The following TNNI3K variants were observed in gnomAD, a reference collection of about 807,000 sequenced individuals.
The protein encoded by TNNI3K is serine/threonine-protein kinase TNNI3K.
A neutral mutation model predicts 114.5 loss-of-function variants in TNNI3K; 140 were observed. The observed-to-expected ratio is 1.22, with a 90% CI of 1.07 to 1.41. The LOEUF (loss-of-function observed/expected upper bound fraction) is 1.41, where lower values mean the gene tolerates loss of function less well. Among genes scored for constraint, TNNI3K ranks in the 40% most tolerant of loss-of-function variants. The pLI, the probability that TNNI3K is intolerant of heterozygous loss-of-function variation, is 0.00. For missense variants in TNNI3K, 1,125 were observed against 1,007.6 expected (o/e 1.12, Z -1.58); for synonymous variants, 347 against 347.5 (o/e 1.00, Z 0.02).
At chr1:74,483,225 A>G (rs1350628640) in intron 21 of TNNI3K, 2 of 715,528 alleles carry the variant, frequency 2.8e-6, no homozygotes, top group Non-Finnish European at 5.2e-6. Flanking sequence ...TTCCAGGTAC[A>G]CTGAGCACTG....
chr1:74,349,993 T>C (rs944761666), intron 9 of TNNI3K, among the ~76,000 whole-genome samples: 2 of 152,204 alleles, frequency 1.3e-5, no homozygotes, highest in African/African-American at 4.8e-5. Flanking sequence ...CTGATCTTAG[T>C]TATTTCTTGC....
At chr1:74,519,266 T>G (rs1646397288) in intron 23 of TNNI3K, among the ~76,000 whole-genome samples, 2 of 87,426 alleles carry the variant, frequency 2.3e-5, no homozygotes, top group African/African-American at 5.6e-5. Flanking sequence ...CCACATTTTC[T>G]TAATCCAGTC....
At chr1:74,411,311 A>G (rs1482647539) in intron 17 of TNNI3K, among the ~76,000 whole-genome samples, 3 of 152,208 alleles carry the variant, frequency 2.0e-5, no homozygotes, top group Non-Finnish European at 4.4e-5. Context: ...GGATGCAGCT[A>G]AGTGCGGATA....
chr1:74,436,685 A>G (rs1666146427), intron 19 of TNNI3K, among the ~76,000 whole-genome samples, 159 bp downstream of exon 19: 1 of 152,084 alleles, frequency 6.6e-6, no homozygotes, highest in South Asian at 2.1e-4. Context: ...AGCTGTCAAA[A>G]TAACTATCTC....
chr1:74,521,494 C>T (rs79093740), intron 23 of TNNI3K, among the ~76,000 whole-genome samples: 5,916 of 152,002 alleles, frequency 0.039, 382 homozygotes, highest in African/African-American at 0.13. Flanking sequence ...CACATGTAAA[C>T]GCATTATGTA....
intron 21 of TNNI3K, among the ~76,000 whole-genome samples, chr1:74,479,486 C>A (rs1668371983): frequency 6.6e-6 from 1 of 152,102 alleles, no homozygotes; most frequent in African/African-American, 2.4e-5. Flanking sequence ...CAAAACCACC[C>A]AACAGGAGGA....
intron 5 of TNNI3K, among the ~76,000 whole-genome samples, chr1:74,330,605 C>T (rs905510065): frequency 6.6e-6 from 1 of 152,104 alleles, no homozygotes; most frequent in Non-Finnish European, 1.5e-5. Flanking sequence ...CATTTATGTG[C>T]AATACACATG....
intron 17 of TNNI3K, among the ~76,000 whole-genome samples, chr1:74,391,273 A>C (rs937478076): frequency 1.3e-5 from 2 of 152,186 alleles, no homozygotes; most frequent in Non-Finnish European, 1.5e-5. Flanking sequence ...TGAATGTATT[A>C]GGGAGAAAAG....
intron 23 of TNNI3K, among the ~76,000 whole-genome samples, chr1:74,534,014 C>A (rs927724685): frequency 6.6e-6 from 1 of 152,182 alleles, no homozygotes; most frequent in African/African-American, 2.4e-5. Flanking sequence ...CCTGACTTTG[C>A]ATCCCCAAAA....
chr1:74,416,370 G>A, intron 17 of TNNI3K: 3 of 983,750 alleles, frequency 3.0e-6, no homozygotes, highest in Non-Finnish European at 3.6e-6. Context: ...GAGCAGAGCT[G>A]AAGAAGGAGC....
chr1:74,255,682 T>C (rs1367817460), intron 4 of TNNI3K, among the ~76,000 whole-genome samples: 1 of 152,218 alleles, frequency 6.6e-6, no homozygotes, highest in Non-Finnish European at 1.5e-5. Flanking sequence ...AAGTCTACAA[T>C]TGTTAGCTTT....
intron 5 of TNNI3K, among the ~76,000 whole-genome samples, chr1:74,300,071 A>G (rs1191013101): frequency 6.6e-6 from 1 of 152,178 alleles, no homozygotes; most frequent in East Asian, 1.9e-4. Flanking sequence ...TTTTGGCTTT[A>G]GAATTATCTT....
chr1:74,396,156 A>G (rs779117676), intron 17 of TNNI3K, among the ~76,000 whole-genome samples: 40 of 152,200 alleles, frequency 2.6e-4, no homozygotes, highest in Non-Finnish European at 3.2e-4. Flanking sequence ...AACATCTCAC[A>G]AAGTAGAGGA....
At chr1:74,425,824 T>C (rs1381878508) in intron 17 of TNNI3K, among the ~76,000 whole-genome samples, 1 of 152,058 alleles carries the variant, frequency 6.6e-6, no homozygotes, top group African/African-American at 2.4e-5. Flanking sequence ...GAGGGTATTC[T>C]GGGGACAGTC....
chr1:74,484,945 G>A (rs766798517), intron 21 of TNNI3K, among the ~76,000 whole-genome samples: 3 of 152,146 alleles, frequency 2.0e-5, no homozygotes, highest in Non-Finnish European at 4.4e-5. Context: ...ATACAAGGAA[G>A]GGATGATGTG....
chr1:74,433,636 C>G (rs111318813), intron 17 of TNNI3K, among the ~76,000 whole-genome samples: 6 of 152,104 alleles, frequency 3.9e-5, no homozygotes, highest in African/African-American at 1.4e-4. Flanking sequence ...TATGAACTCT[C>G]ATTGTCCTGT....
At chr1:74,299,866 T>C (rs969417717) in intron 5 of TNNI3K, among the ~76,000 whole-genome samples, 1 of 152,152 alleles carries the variant, frequency 6.6e-6, no homozygotes, top group African/African-American at 2.4e-5. Context: ...AATAAGCCAA[T>C]ATTTGCTACA....
At chr1:74,378,222 A>T (rs938724099) in intron 17 of TNNI3K, among the ~76,000 whole-genome samples, 2 of 152,076 alleles carry the variant, frequency 1.3e-5, no homozygotes, top group Non-Finnish European at 2.9e-5. Context: ...TTAAAAAAGC[A>T]ATCAACTGCA....
At chr1:74,474,897 A>T (rs1668113897) in intron 21 of TNNI3K, among the ~76,000 whole-genome samples, 1 of 152,080 alleles carries the variant, frequency 6.6e-6, no homozygotes, top group Admixed American at 6.6e-5. Context: ...TGCTCTGGGA[A>T]GGTTGCTTAC....
Sources: gnomAD v4.1 joint callset for allele counts (sites outside exome capture counted in the v4.1 genomes callset) on GRCh38, gnomAD v4.1.1 for gene constraint, MANE v1.5 for transcripts, NCBI Gene and HGNC (gene_info 2026-07-23, HGNC 2026-07-21) for gene names.